The following FAM161A variants were observed in gnomAD, a reference collection of about 807,000 sequenced individuals.
FAM161A encodes FAM161 centrosomal protein A, also known as protein FAM161A.
FAM161A carries 57 observed loss-of-function variants against 70.9 expected under a neutral mutation model. The ratio of observed to expected loss-of-function variants is 0.80; its 90% CI spans 0.65 to 1.00. The LOEUF (loss-of-function observed/expected upper bound fraction) is 1.00, where lower values mean the gene tolerates loss of function less well. Ranked by LOEUF, FAM161A falls within the 50% of genes least tolerant of loss-of-function variation. The probability of loss-of-function intolerance (pLI) is 0.00; values close to 1 mark genes in which losing one functional copy is unlikely to be tolerated. For missense variants in FAM161A, 880 were observed against 836.0 expected (o/e 1.05, Z -0.65); for synonymous variants, 299 against 295.7 (o/e 1.01, Z -0.12).
chr2:61,822,081 C>T (rs1021284422), downstream of FAM161A, among the ~76,000 whole-genome samples: 21 of 151,062 alleles, frequency 1.4e-4, no homozygotes, highest in African/African-American at 5.1e-4. Flanking sequence ...ATGTTGGAAT[C>T]TGTGACCCTG....
At chr2:61,845,797 G>C (rs1419031979) in intron 1 of FAM161A, among the ~76,000 whole-genome samples, 1 of 143,766 alleles carries the variant, frequency 7.0e-6, no homozygotes, top group Non-Finnish European at 1.5e-5. Flanking sequence ...CTTGTATCAA[G>C]AAAAAAGAAG....
At chr2:61,821,145 C>T (rs984968378), downstream of FAM161A, among the ~76,000 whole-genome samples, 2 of 151,924 alleles carry the variant, frequency 1.3e-5, no homozygotes, top group African/African-American at 2.4e-5. Context: ...CTCGGCCTCC[C>T]GGGTTCAAGC....
At chr2:61,821,752 GATTTT>G (rs949379350), downstream of FAM161A, among the ~76,000 whole-genome samples, 7 of 151,810 alleles carry the variant, frequency 4.6e-5, no homozygotes, top group South Asian at 2.1e-4. Flanking sequence ...CAGAATATTG[GATTTT>G]ATTTTATTTT....
At chr2:61,805,444 A>G in the FAM161A span, among the ~76,000 whole-genome samples, 48 of 152,302 alleles carry the variant, frequency 3.2e-4, no homozygotes, top group African/African-American at 1.1e-3. Flanking sequence ...TGAACCTGGG[A>G]GACGGAGATT....
intron 4 of FAM161A, 97 bp from the exon 5 acceptor site, chr2:61,836,206 T>C (rs1450514655): frequency 1.1e-6 from 1 of 912,332 alleles, no homozygotes; most frequent in Non-Finnish European, 1.8e-6. Context: ...ACAAAGTCAA[T>C]GAAAAAAAAG....
At chr2:61,815,535 C>CTTTTTTT in the FAM161A span, among the ~76,000 whole-genome samples, 92 of 53,240 alleles carry the variant, frequency 1.7e-3, 2 homozygotes, top group East Asian at 3.0e-3. Flanking sequence ...AAAGATGTGT[C>CTTTTTTT]TTTTTTTTTT....
At chr2:61,847,000 C>T (rs1026943887) in intron 1 of FAM161A, 5 of 299,672 alleles carry the variant, frequency 1.7e-5, no homozygotes, top group Non-Finnish European at 3.2e-5. Context: ...CCCATCTCTA[C>T]TAAAAACAAA....
chr2:61,838,549 T>C lies in FAM161A; in HGVS notation c.1740A>G (p.Val580=). The C allele has an allele frequency of 1.9e-6, 3 of 1,604,170 alleles. No individual in the cohort carries two copies. The highest frequency in any genetic ancestry group is 2.6e-6 in the Non-Finnish European group (3 of 1,174,556). The change falls in exon 4 of 7, where the codon GTA becomes GTG. Residue 580 remains valine (V), a synonymous_variant. Coordinates refer to ENST00000404929, the MANE Select transcript of FAM161A (RefSeq NM_001201543.2). ...TTTTTTCATGATACCTGAGACATTT[T>C]ACTCTGGATTTAGATATTTGAGCTA... The part of the protein sequence containing the change: ...QSLAQISKSR[V]KCLRKSEKER...
At chr2:61,802,005 C>G in the FAM161A span, among the ~76,000 whole-genome samples, 4 of 152,146 alleles carry the variant, frequency 2.6e-5, no homozygotes, top group Non-Finnish European at 5.9e-5. Flanking sequence ...TACACTGAAT[C>G]AAAACACATG....
chr2:61,811,490 CAGCCT>C, the FAM161A span, among the ~76,000 whole-genome samples: 1 of 152,136 alleles, frequency 6.6e-6, no homozygotes, highest in Non-Finnish European at 1.5e-5. Context: ...TCTCCTGTCT[CAGCCT>C]CCCAGGTAGC....
At chr2:61,836,214 A>G in intron 4 of FAM161A, 105 bp from the exon 5 acceptor site, 1 of 864,766 alleles carries the variant, frequency 1.2e-6, no homozygotes, top group Non-Finnish European at 1.9e-6. Flanking sequence ...AATGAAAAAA[A>G]AGAAATAACA....
chr2:61,820,069 A>G (rs527651713), downstream of FAM161A: 241 of 294,630 alleles, frequency 8.2e-4, 2 homozygotes, highest in African/African-American at 4.6e-3. Flanking sequence ...TACTTTATAC[A>G]GTATATTTAA....
chr2:61,838,531 A>T lies in FAM161A; in HGVS notation c.1751+7T>A. 1 of 1,598,438 alleles carries T rather than the reference A, an allele frequency of 6.3e-7. No individual in the cohort carries two copies. Among genetic ancestry groups the T allele is most frequent in the Non-Finnish European group, 8.5e-7 (1 of 1,172,396 alleles). On this transcript the variant is annotated splice_region_variant and intron_variant, in intron 4 of 6. Coordinates refer to ENST00000404929, the MANE Select transcript of FAM161A (RefSeq NM_001201543.2). The stretch of plus-strand genomic sequence containing the variant: ...TGGTCTGGAGATTCAAGATTTTTTC[A>T]TGATACCTGAGACATTTTACTCTGG...
rs1003553456 is a variant in FAM161A, at chr2:61,851,938, A to G, written c.183+1921T>C. Among the ~76,000 whole-genome samples the G allele has an allele frequency of 2.6e-5, 4 of 152,168 alleles. No individual in the cohort carries two copies. The East Asian group carries it at 7.7e-4, about 29-fold the overall frequency. ...TAGGTATAATATTTGACTTTACTAC[A>G]TTTTATAGATAATAAGGTTAAGGCA... On this transcript the variant is annotated intron_variant, in intron 1 of 6. Transcript: ENST00000404929.
intron 5 of FAM161A, among the ~76,000 whole-genome samples, chr2:61,833,120 A>C: frequency 6.6e-6 from 1 of 152,080 alleles, no homozygotes; most frequent in Non-Finnish European, 1.5e-5. Context: ...ACAAGAAAAA[A>C]TTTTTTTAAA....
chr2:61,809,918 C>T, the FAM161A span, among the ~76,000 whole-genome samples: 1 of 152,184 alleles, frequency 6.6e-6, no homozygotes, highest in Non-Finnish European at 1.5e-5. Flanking sequence ...CTACATGAGC[C>T]AACCCATCTG....
At chr2:61,809,284 C>T in the FAM161A span, among the ~76,000 whole-genome samples, 8 of 152,132 alleles carry the variant, frequency 5.3e-5, no homozygotes, top group South Asian at 2.1e-4. Context: ...CTCCCTGGCC[C>T]GTCAACACTG....
the FAM161A span, among the ~76,000 whole-genome samples, chr2:61,817,286 A>T: frequency 3.3e-4 from 51 of 152,326 alleles, 1 homozygote; most frequent in African/African-American, 1.1e-3. Context: ...GCTTTAAAAG[A>T]AAATCCTGCA....
In FAM161A at chr2:61,839,801, C is replaced by A; in HGVS notation, c.1203G>T (p.Arg401Ser). Residue 401 changes from arginine to serine, a missense_variant, in exon 3 of 7, where the codon AGG (arginine) becomes AGT (serine). By Grantham distance (110) the Arg-to-Ser change is moderately radical. Coordinates refer to ENST00000404929, the MANE Select transcript of FAM161A (RefSeq NM_001201543.2). ...TGGGGTTCCTGCATCCACAAGCTGA[C>A]CTACAAGGCAGAGGAGATGAGTTCT... The part of the protein sequence containing the change: ...HLQNSSPLPC[R>S]SACGCRNPRC... 1 of 1,614,138 alleles carries A rather than the reference C, an allele frequency of 6.2e-7. No individual in the cohort carries two copies. Among genetic ancestry groups the A allele is most frequent in the Non-Finnish European group, 8.5e-7 (1 of 1,180,032 alleles).
Sources: allele counts gnomAD v4.1 joint callset (sites outside exome capture counted in the v4.1 genomes callset), GRCh38; gene constraint gnomAD v4.1.1; transcripts MANE v1.5; gene names NCBI Gene and HGNC (gene_info 2026-07-23, HGNC 2026-07-21).